Variants in LRRC4B observed in about 807,000 individuals in gnomAD.
LRRC4B encodes leucine rich repeat containing 4B.
Under a neutral mutation model 7.3 loss-of-function variants are expected in LRRC4B, and 1 was observed. That is an observed-to-expected ratio of 0.14 (90% confidence interval 0.05 to 0.65). The LOEUF is 0.65. Ranked by LOEUF, LRRC4B falls within the 30% of genes least tolerant of loss-of-function variation. The pLI, the probability that LRRC4B is intolerant of heterozygous loss-of-function variation, is 0.84. For missense variants in LRRC4B, 730 were observed against 1,041.6 expected, an observed-to-expected ratio of 0.70 and a Z score of 4.12; for synonymous variants, 500 against 499.2, an observed-to-expected ratio of 1.00 and a Z score of -0.02.
In LRRC4B at chr19:50,518,478, C is replaced by A; in HGVS notation, c.1235G>T (p.Arg412Leu). Residue 412 changes from arginine to leucine, a missense_variant, in exon 3 of 3, where the codon CGC becomes CTC. Arg to Leu is a moderately radical substitution (Grantham distance 102). Transcript: ENST00000652263. ...TLMTHGSYRV[R>L]ISVLHDGTLN... ...CGTGCCGTCATGCAGGACGGAGATG[C>A]GCACGCGGTAGGAGCCGTGGGTCAT... 6.4e-7 allele frequency: 1 copy of A among 1,555,102 alleles called. No homozygotes were observed. The highest frequency in any genetic ancestry group is 8.7e-7 in the Non-Finnish European group (1 of 1,150,054).
rs1178221374 is a variant in LRRC4B, at chr19:50,531,296, TC to T, written c.298-11882del. 6.6e-5 allele frequency among the ~76,000 whole-genome samples: 10 copies of T among 152,272 alleles called. No homozygotes were observed. In the East Asian group the frequency reaches 1.7e-3, roughly 27 times the overall value. Reference sequence around the variant, plus strand: ...TCAAGTGACTCAGCAGGGCTGCCGGTCCCGGGGAGCGTGCACCTGGGGCTCC... The same window carrying T: ...TCAAGTGACTCAGCAGGGCTGCCGGTCCGGGGAGCGTGCACCTGGGGCTCC... On this transcript the variant is annotated intron_variant, in intron 2 of 2. Coordinates refer to ENST00000652263, the MANE Select transcript of LRRC4B (RefSeq NM_001080457.2).
intron 1 of LRRC4B, among the ~76,000 whole-genome samples, chr19:50,560,494 A>C (rs1167178834): frequency 6.6e-6 from 1 of 152,238 alleles, no homozygotes; most frequent in African/African-American, 2.4e-5. Flanking sequence ...GAGTTTAGGG[A>C]AATGCCTGGG....
intron 1 of LRRC4B, chr19:50,557,716 AC>A (rs1982325785): frequency 6.6e-6 from 1 of 151,792 alleles, no homozygotes; most frequent in South Asian, 2.1e-4. Flanking sequence ...GGTGGTGGGG[AC>A]CCAGGAAGGG....
intron 2 of LRRC4B, among the ~76,000 whole-genome samples, chr19:50,525,534 T>C (rs1041559475): frequency 1.3e-5 from 2 of 151,286 alleles, no homozygotes; most frequent in African/African-American, 4.9e-5. Flanking sequence ...GCCTCCCAAG[T>C]AGCTAGGATT....
chr19:50,552,144 T>A (rs1427024383), intron 1 of LRRC4B, among the ~76,000 whole-genome samples: 1 of 152,034 alleles, frequency 6.6e-6, no homozygotes, highest in Non-Finnish European at 1.5e-5. Flanking sequence ...ACAGCCTCGT[T>A]GGCTGCATGA....
At chr19:50,554,165 G>A (rs1007499042) in intron 1 of LRRC4B, among the ~76,000 whole-genome samples, 1 of 151,860 alleles carries the variant, frequency 6.6e-6, no homozygotes, top group African/African-American at 2.4e-5. Flanking sequence ...GCTAATTTTT[G>A]TATTTTAAGT....
rs1982267288 is a variant in LRRC4B, at chr19:50,556,141, C to A, written c.-35-7268G>T. ...ACCTTAGGGAAAGGGCAGTCCAGGC[C>A]CCCTAGGAGCTGCTGATGAGGAAGC... On this transcript the variant is annotated intron_variant, in intron 1 of 2. Coordinates refer to ENST00000652263, the MANE Select transcript of LRRC4B (RefSeq NM_001080457.2). This position sits in a 1 kb window ranked among gnomAD's most constrained non-coding sequence, Gnocchi z 4.2. Among the ~76,000 whole-genome samples the A allele has an allele frequency of 6.6e-6, 1 of 152,080 alleles. No homozygotes were observed. Among genetic ancestry groups the A allele is most frequent in the African/African-American group, 2.4e-5 (1 of 41,402 alleles).
At chr19:50,535,962 A>C (rs1178372695) in intron 2 of LRRC4B, among the ~76,000 whole-genome samples, 1 of 152,212 alleles carries the variant, frequency 6.6e-6, no homozygotes, top group Non-Finnish European at 1.5e-5. Context: ...CAAGCAAGGC[A>C]GCAGGACTTT....
intron 1 of LRRC4B, among the ~76,000 whole-genome samples, chr19:50,554,957 G>GGGCAGGA: frequency 6.6e-6 from 1 of 152,270 alleles, no homozygotes; most frequent in South Asian, 2.1e-4. Context: ...GGGGGGCAGG[G>GGGCAGGA]TGCAGGCAAG....
intron 2 of LRRC4B, among the ~76,000 whole-genome samples, chr19:50,536,750 G>T (rs1981310111): frequency 6.6e-6 from 1 of 152,170 alleles, no homozygotes; most frequent in South Asian, 2.1e-4. Flanking sequence ...AAGAGCGCCT[G>T]GCACAGGGCA....
chr19:50,562,410 G>T (rs554039684), intron 1 of LRRC4B, among the ~76,000 whole-genome samples: 7 of 152,206 alleles, frequency 4.6e-5, no homozygotes, highest in Admixed American at 2.6e-4. Context: ...ATCCACATAA[G>T]AGACTGAGCA....
intron 2 of LRRC4B, among the ~76,000 whole-genome samples, chr19:50,539,812 G>A (rs530324294): frequency 1.3e-5 from 2 of 151,076 alleles, no homozygotes; most frequent in South Asian, 2.1e-4. Flanking sequence ...GCTTGAACCC[G>A]AGAGGTGGAA....
intron 1 of LRRC4B, among the ~76,000 whole-genome samples, chr19:50,551,304 C>T (rs1201405896): frequency 6.6e-6 from 1 of 151,266 alleles, no homozygotes; most frequent in African/African-American, 2.4e-5. Context: ...CTGTCGAGAT[C>T]GTGCTGGGGG....
At chr19:50,561,171 A>C (rs1040556558) in intron 1 of LRRC4B, among the ~76,000 whole-genome samples, 7 of 143,308 alleles carry the variant, frequency 4.9e-5, no homozygotes, top group African/African-American at 1.0e-4. Context: ...CCCCCTCCCC[A>C]CCCAACCCCG....
At chr19:50,538,254 G>A (rs925704301) in intron 2 of LRRC4B, among the ~76,000 whole-genome samples, 2 of 152,174 alleles carry the variant, frequency 1.3e-5, no homozygotes, top group African/African-American at 4.8e-5. Flanking sequence ...GTAGAGACGG[G>A]GTTTCGCCAT....
At chr19:50,558,291 C>T (rs923709778) in intron 1 of LRRC4B, among the ~76,000 whole-genome samples, 4 of 152,032 alleles carry the variant, frequency 2.6e-5, no homozygotes, top group African/African-American at 9.7e-5. Context: ...AGTGCAGTGG[C>T]GTGATCTCAG....
At chr19:50,521,530 C>T (rs146014735) in intron 2 of LRRC4B, among the ~76,000 whole-genome samples, 60 of 152,274 alleles carry the variant, frequency 3.9e-4, no homozygotes, top group African/African-American at 1.2e-3. Flanking sequence ...CAGGTTCTAG[C>T]GATTCTCCTG....
chr19:50,533,304 C>T (rs1221302043), intron 2 of LRRC4B, among the ~76,000 whole-genome samples: 2 of 152,134 alleles, frequency 1.3e-5, no homozygotes, highest in East Asian at 3.8e-4. Flanking sequence ...CATTTCTTCT[C>T]TCTACTGTAT....
At chr19:50,535,018 G>T (rs898366748) in intron 2 of LRRC4B, among the ~76,000 whole-genome samples, 1 of 148,836 alleles carries the variant, frequency 6.7e-6, no homozygotes, top group African/African-American at 2.5e-5. Flanking sequence ...ACAGGCGCCT[G>T]CCACCACACC....
Sources: allele counts gnomAD v4.1 joint callset (sites outside exome capture counted in the v4.1 genomes callset), GRCh38; gene constraint gnomAD v4.1.1; non-coding constraint Gnocchi (gnomAD v3.1); transcripts MANE v1.5; gene names NCBI Gene and HGNC (gene_info 2026-07-23, HGNC 2026-07-21).